The following PCDH11X variants were observed in gnomAD, a reference collection of about 807,000 sequenced individuals.
PCDH11X encodes protocadherin 11 X-linked.
Under a neutral mutation model 53.3 loss-of-function variants are expected in PCDH11X, and 18 were observed. The observed-to-expected ratio is 0.34, with a 90% confidence interval of 0.23 to 0.50. The LOEUF is 0.50. Among genes scored for constraint, PCDH11X ranks in the 20% least tolerant of loss-of-function variants. The probability of loss-of-function intolerance (pLI) is 0.98; values close to 1 mark genes in which losing one functional copy is unlikely to be tolerated. For missense variants in PCDH11X, 570 were observed against 1,032.4 expected, an observed-to-expected ratio of 0.55 and a Z score of 6.14; for synonymous variants, 279 against 393.3, an observed-to-expected ratio of 0.71 and a Z score of 3.44.
At chrX:92,420,793 G>A (rs1283416346) in intron 9 of PCDH11X, among the ~76,000 whole-genome samples, 2 of 111,609 alleles carry the variant, frequency 1.8e-5, no homozygotes, top group African/African-American at 6.5e-5. Flanking sequence ...AGTTTATCAT[G>A]GTTGGGGGTT....
chrX:91,828,151 G>A (rs1379239565), intron 4 of PCDH11X, among the ~76,000 whole-genome samples: 127 of 90,212 alleles, frequency 1.4e-3, no homozygotes, highest in African/African-American at 5.6e-3. Context: ...ATGGAGTCTC[G>A]CTCTGTCACC....
intron 6 of PCDH11X, among the ~76,000 whole-genome samples, chrX:91,924,706 A>G (rs1429373244): frequency 1.8e-5 from 2 of 111,257 alleles, no homozygotes; most frequent in Non-Finnish European, 3.8e-5. Context: ...GTGGGACTTT[A>G]CTTGGAATTC....
intron 10 of PCDH11X, among the ~76,000 whole-genome samples, chrX:92,500,142 G>T (rs974935893): frequency 9.0e-6 from 1 of 110,937 alleles, no homozygotes; most frequent in African/African-American, 3.3e-5. Context: ...GACTTCCATT[G>T]CAATCAAGAT....
chrX:92,125,972 C>T (rs2064853746), intron 6 of PCDH11X, among the ~76,000 whole-genome samples: 1 of 109,389 alleles, frequency 9.1e-6, no homozygotes, highest in South Asian at 3.9e-4. Flanking sequence ...ACTAAAAATA[C>T]AAAAATCAGC....
chrX:92,520,476 G>T (rs1219997124), intron 10 of PCDH11X, among the ~76,000 whole-genome samples: 1 of 56,086 alleles, frequency 1.8e-5, no homozygotes, highest in African/African-American at 7.2e-5. Flanking sequence ...AGTGGCTGTG[G>T]CATTTTTTTT....
chrX:92,316,755 G>T (rs1278936877), intron 8 of PCDH11X, among the ~76,000 whole-genome samples: 1 of 111,172 alleles, frequency 9.0e-6, no homozygotes, highest in African/African-American at 3.3e-5. Context: ...TGAGAAAAGT[G>T]AATTTACTTT....
chrX:91,966,762 TA>T (rs35079359), intron 6 of PCDH11X, among the ~76,000 whole-genome samples: 2 of 111,529 alleles, frequency 1.8e-5, no homozygotes, highest in African/African-American at 3.3e-5. Flanking sequence ...TTTTATTGCA[TA>T]AAAAAAAGAA....
At chrX:92,124,460 G>A (rs1462537575) in intron 6 of PCDH11X, among the ~76,000 whole-genome samples, 2 of 109,194 alleles carry the variant, frequency 1.8e-5, no homozygotes, top group South Asian at 8.1e-4. Flanking sequence ...CAGGAGAATC[G>A]CTTGAACCTG....
At chrX:92,059,904 T>TTA (rs2063502358) in intron 6 of PCDH11X, among the ~76,000 whole-genome samples, 2 of 110,392 alleles carry the variant, frequency 1.8e-5, no homozygotes, top group African/African-American at 3.3e-5. Flanking sequence ...TTTGAAAAAC[T>TTA]TATATATATA....
At chrX:92,223,976 C>T (rs2148359560) in intron 7 of PCDH11X, among the ~76,000 whole-genome samples, 1 of 111,541 alleles carries the variant, frequency 9.0e-6, no homozygotes, top group East Asian at 2.8e-4. Flanking sequence ...CTTTAATGCA[C>T]ACATTATATG....
chrX:91,781,727 G>T (rs1156948378), intron 1 of PCDH11X, among the ~76,000 whole-genome samples: 1 of 111,546 alleles, frequency 9.0e-6, no homozygotes, highest in Non-Finnish European at 1.9e-5. Context: ...GAAGCAAGTC[G>T]AAGTAATAGT....
chrX:92,261,527 T>A (rs2067714778), intron 7 of PCDH11X, among the ~76,000 whole-genome samples: 2 of 111,857 alleles, frequency 1.8e-5, no homozygotes, highest in South Asian at 7.4e-4. Flanking sequence ...CATTTTTAGA[T>A]TTTCACTTTG....
chrX:92,594,846 T>G (rs1445525075), intron 10 of PCDH11X, among the ~76,000 whole-genome samples: 2 of 87,291 alleles, frequency 2.3e-5, no homozygotes, highest in African/African-American at 5.2e-5. Context: ...TTGCTATTTT[T>G]TTTGTTTGTT....
At chrX:91,835,122 A>G in intron 4 of PCDH11X, 2 of 571,206 alleles carry the variant, frequency 3.5e-6, no homozygotes, top group Non-Finnish European at 4.6e-6. Context: ...TTTTCCCTTA[A>G]CTATTGAATT....
intron 10 of PCDH11X, among the ~76,000 whole-genome samples, chrX:92,588,758 A>G (rs1184730051): frequency 1.8e-5 from 2 of 110,269 alleles, no homozygotes; most frequent in Non-Finnish European, 3.8e-5. Context: ...AGGGGATACT[A>G]TTGAATAACA....
chrX:92,130,832 G>T (rs1267989866), intron 6 of PCDH11X, among the ~76,000 whole-genome samples: 2 of 110,276 alleles, frequency 1.8e-5, no homozygotes, highest in East Asian at 5.7e-4. Flanking sequence ...CATTTTATAT[G>T]ATTATTGTTT....
At chrX:92,398,359 C>T (rs192839024) in intron 9 of PCDH11X, among the ~76,000 whole-genome samples, 203 of 111,579 alleles carry the variant, frequency 1.8e-3, no homozygotes, top group Non-Finnish European at 3.4e-3. Context: ...TGGAATTTCA[C>T]TGCATAAGGG....
At chrX:92,529,801 C>T (rs148841986) in intron 10 of PCDH11X, among the ~76,000 whole-genome samples, 1,364 of 109,434 alleles carry the variant, frequency 0.012, 22 homozygotes, top group African/African-American at 0.043. Context: ...GGAATAAGAA[C>T]AGAAAACTGG....
At chrX:92,556,289 A>G (rs1052385790) in intron 10 of PCDH11X, among the ~76,000 whole-genome samples, 1 of 111,237 alleles carries the variant, frequency 9.0e-6, no homozygotes, top group African/African-American at 3.3e-5. Flanking sequence ...AGCTCATTCC[A>G]GCATTAACCC....
Sources: allele counts gnomAD v4.1 joint callset (sites outside exome capture counted in the v4.1 genomes callset), GRCh38; gene constraint gnomAD v4.1.1; transcripts MANE v1.5; gene names NCBI Gene and HGNC (gene_info 2026-07-23, HGNC 2026-07-21).